Variants in FSTL5 observed in about 807,000 individuals in gnomAD.
The protein encoded by FSTL5 is follistatin-related protein 5.
Under a neutral mutation model 89.1 loss-of-function variants are expected in FSTL5, and 62 were observed. That is an observed-to-expected ratio of 0.70 (90% CI 0.57 to 0.86). FSTL5 has a LOEUF of 0.86. Ranked by LOEUF, FSTL5 falls within the 40% of genes least tolerant of loss-of-function variation. The pLI is 0.00. For synonymous variants in FSTL5, 383 were observed against 346.2 expected (o/e 1.11, Z -1.18); for missense variants, 1,057 against 1,001.6 (o/e 1.06, Z -0.75).
chr4:161,502,376 T>G (rs1730322094), intron 11 of FSTL5, among the ~76,000 whole-genome samples: 1 of 151,952 alleles, frequency 6.6e-6, no homozygotes, highest in Non-Finnish European at 1.5e-5. Context: ...GAATTACACA[T>G]GAACGTTTTT....
At chr4:161,932,443 G>A (rs1183870430) in intron 3 of FSTL5, among the ~76,000 whole-genome samples, 1 of 151,428 alleles carries the variant, frequency 6.6e-6, no homozygotes, top group South Asian at 2.1e-4. Context: ...GCTCCCCATT[G>A]CATATACATA....
At chr4:161,909,580 CT>C (rs1733634655) in intron 4 of FSTL5, among the ~76,000 whole-genome samples, 1 of 152,148 alleles carries the variant, frequency 6.6e-6, no homozygotes, top group Admixed American at 6.6e-5. Context: ...CAAACCTTCT[CT>C]GTTACTTGCA....
Position 162,111,252 on chromosome 4 carries a change from T to C in FSTL5, c.126+19A>G. On this transcript the variant is annotated intron_variant, in intron 2 of 15. Transcript: ENST00000306100. Reference sequence around the variant, plus strand: ...ATAATTGGCAGGCACTATGAGCAGATTCAGAATATTGACTGTACCTTATGT... The same window carrying C: ...ATAATTGGCAGGCACTATGAGCAGACTCAGAATATTGACTGTACCTTATGT... 6.4e-7 allele frequency: 1 copy of C among 1,571,468 alleles called. No individual in the cohort carries two copies. The highest frequency in any genetic ancestry group is 8.7e-7 in the Non-Finnish European group (1 of 1,152,576).
chr4:161,814,854 C>T (rs753782038), intron 4 of FSTL5, among the ~76,000 whole-genome samples: 2 of 152,040 alleles, frequency 1.3e-5, no homozygotes, highest in Non-Finnish European at 2.9e-5. Context: ...GTTCCTAACA[C>T]TGTAGAATGT....
Position 161,656,436 on chromosome 4 carries a change from C to T in FSTL5, c.786G>A (p.Val262=). Residue 262 remains valine, a synonymous_variant, in exon 7 of 16, where the codon GTG becomes GTA. Transcript: ENST00000306100. The part of the protein sequence containing the change: ...DQKLSITAAT[V]GQSAVLSCAI... Reference sequence around the variant, plus strand: ...CACAGCTCAGAACAGCACTTTGTCCCACAGTTGCTGCAGTGATGCTTAGTT... The same window carrying T: ...CACAGCTCAGAACAGCACTTTGTCCTACAGTTGCTGCAGTGATGCTTAGTT... 1 of 1,609,878 alleles carries T rather than the reference C, an allele frequency of 6.2e-7. No individual in the cohort carries two copies. Among genetic ancestry groups the T allele is most frequent in the Non-Finnish European group, 8.5e-7 (1 of 1,177,894 alleles).
intron 13 of FSTL5, among the ~76,000 whole-genome samples, chr4:161,462,576 G>T (rs1481497557): frequency 6.6e-6 from 1 of 151,992 alleles, no homozygotes; most frequent in African/African-American, 2.4e-5. Flanking sequence ...TTTTTCTGTG[G>T]CTCAGTTTTT....
intron 15 of FSTL5, chr4:161,386,683 AATT>A: frequency 2.1e-6 from 1 of 467,086 alleles, no homozygotes; most frequent in East Asian, 3.7e-5. Flanking sequence ...AAAGAAAAAT[AATT>A]AAAAGCAATA....
chr4:161,616,586 C>T (rs775229306), intron 7 of FSTL5, among the ~76,000 whole-genome samples: 1 of 152,050 alleles, frequency 6.6e-6, no homozygotes, highest in African/African-American at 2.4e-5. Flanking sequence ...TTGTGTGAGT[C>T]AATACTCCTG....
intron 4 of FSTL5, among the ~76,000 whole-genome samples, chr4:161,799,882 G>C (rs1448708150): frequency 1.3e-5 from 2 of 151,560 alleles, no homozygotes; most frequent in African/African-American, 4.8e-5. Context: ...CTTGAAATAA[G>C]GATGTTTACA....
chr4:161,436,878 A>G (rs1236793234), intron 15 of FSTL5, among the ~76,000 whole-genome samples: 1 of 152,200 alleles, frequency 6.6e-6, no homozygotes, highest in Non-Finnish European at 1.5e-5. Flanking sequence ...AGAAGTTAGC[A>G]AGTAACTTCT....
chr4:161,497,292 A>C lies in FSTL5; in HGVS notation c.1458+2724T>G, dbSNP rs139685285. Among the ~76,000 whole-genome samples, 299 of 152,202 alleles carry C rather than the reference A, an allele frequency of 2.0e-3. 2 individuals are homozygous for C. Among genetic ancestry groups the C allele is most frequent in the Non-Finnish European group, 3.3e-3 (227 of 67,964 alleles). ...GTTTAATTTACTCTAGCCTTTTTTC[A>C]TATATGTGGCATATAATAATTACAT... On this transcript the variant is annotated intron_variant, in intron 12 of 15. Coordinates refer to ENST00000306100, the MANE Select transcript of FSTL5 (RefSeq NM_020116.5).
At chr4:161,937,213 T>C (rs2110912339) in intron 3 of FSTL5, among the ~76,000 whole-genome samples, 1 of 151,280 alleles carries the variant, frequency 6.6e-6, no homozygotes, top group Non-Finnish European at 1.5e-5. Context: ...ATAAATGAAA[T>C]AAAAACAAAA....
chr4:162,101,476 G>T (rs561117076), intron 2 of FSTL5, among the ~76,000 whole-genome samples: 18 of 152,276 alleles, frequency 1.2e-4, no homozygotes, highest in African/African-American at 4.3e-4. Flanking sequence ...GAAAACAACT[G>T]TTCTGGAAGA....
intron 1 of FSTL5, among the ~76,000 whole-genome samples, chr4:162,119,359 T>G (rs935639767): frequency 1.3e-5 from 2 of 152,196 alleles, no homozygotes; most frequent in African/African-American, 4.8e-5. Context: ...TCACTTAAAT[T>G]TGCTTTAGAT....
intron 2 of FSTL5, among the ~76,000 whole-genome samples, chr4:162,107,722 C>A (rs995675525): frequency 1.3e-5 from 2 of 152,074 alleles, no homozygotes; most frequent in African/African-American, 4.8e-5. Flanking sequence ...TAAGATATTT[C>A]TCCTGAGGTC....
chr4:161,811,362 T>C (rs887380385), intron 4 of FSTL5, among the ~76,000 whole-genome samples: 4 of 152,212 alleles, frequency 2.6e-5, no homozygotes, highest in African/African-American at 9.6e-5. Context: ...TTTATAGTGA[T>C]ATTTTAAAAT....
chr4:162,004,325 A>G (rs1008121511), intron 3 of FSTL5, among the ~76,000 whole-genome samples: 3 of 152,158 alleles, frequency 2.0e-5, no homozygotes, highest in Non-Finnish European at 4.4e-5. Flanking sequence ...CAACCAATCC[A>G]TTACTAGGTC....
chr4:161,463,785 G>A (rs1733655899), intron 13 of FSTL5, among the ~76,000 whole-genome samples: 1 of 152,148 alleles, frequency 6.6e-6, no homozygotes, highest in South Asian at 2.1e-4. Context: ...GTTATGCAAA[G>A]GATTACAAAG....
intron 4 of FSTL5, among the ~76,000 whole-genome samples, chr4:161,914,818 A>G (rs1733794551): frequency 6.6e-6 from 1 of 152,188 alleles, no homozygotes; most frequent in Admixed American, 6.5e-5. Context: ...TACATTTACT[A>G]AAGTTCTAGT....
Sources: allele counts gnomAD v4.1 joint callset (sites outside exome capture counted in the v4.1 genomes callset), GRCh38; gene constraint gnomAD v4.1.1; transcripts MANE v1.5; gene names NCBI Gene and HGNC (gene_info 2026-07-23, HGNC 2026-07-21).